MPP7: variants seen among roughly 807,000 people sequenced by gnomAD.
MPP7 encodes MAGUK p55 scaffold protein 7.
A neutral mutation model predicts 76.5 loss-of-function variants in MPP7; 60 were observed. The ratio of observed to expected loss-of-function variants is 0.78; its 90% confidence interval spans 0.64 to 0.97. MPP7 has a LOEUF of 0.97. MPP7 is among the 50% of genes least tolerant of loss of function. The pLI, the probability that MPP7 is intolerant of heterozygous loss-of-function variation, is 0.00. For missense variants in MPP7, 641 were observed against 694.0 expected, an observed-to-expected ratio of 0.92 and a Z score of 0.86; for synonymous variants, 237 against 244.5, an observed-to-expected ratio of 0.97 and a Z score of 0.29.
rs1038210385 is a variant in MPP7 at position 28,232,406 on chromosome 10, G to A, written c.37+6162C>T. 4.0e-5 allele frequency among the ~76,000 whole-genome samples: 6 copies of A among 149,364 alleles called. No individual in the cohort carries two copies. The East Asian group carries it at 5.8e-4, about 15-fold the overall frequency. ...ACACACACACAAATTGATTGGTAAC[G>A]TAAGATGGATTGGATTGCTTTTCTC... On this transcript the variant is annotated intron_variant, in intron 2 of 16. Coordinates refer to ENST00000683449, the MANE Select transcript of MPP7 (RefSeq NM_001318170.2).
intron 2 of MPP7, among the ~76,000 whole-genome samples, chr10:28,310,973 T>C (rs1341096468): frequency 6.6e-6 from 1 of 151,522 alleles, no homozygotes; most frequent in East Asian, 2.0e-4. Flanking sequence ...GGTTTGATCT[T>C]GCTTATAAAT....
At chr10:28,079,349 CAA>C (rs894150049) in intron 12 of MPP7, among the ~76,000 whole-genome samples, 1 of 143,202 alleles carries the variant, frequency 7.0e-6, no homozygotes. Flanking sequence ...ACATATACCA[CAA>C]AAAAAAAAAG....
chr10:28,140,349 T>C (rs919450388), intron 5 of MPP7, among the ~76,000 whole-genome samples: 2 of 151,928 alleles, frequency 1.3e-5, no homozygotes, highest in African/African-American at 2.4e-5. Context: ...CAATCTCTAC[T>C]AAAAACACAA....
chr10:28,168,178 T>C (rs1836551034), intron 3 of MPP7, among the ~76,000 whole-genome samples: 1 of 151,974 alleles, frequency 6.6e-6, no homozygotes, highest in Non-Finnish European at 1.5e-5. Context: ...GAGGCTGCAG[T>C]GAACCTAGAT....
chr10:28,125,222 GA>G, intron 6 of MPP7, 131 bp from the exon 7 acceptor site: 2 of 712,726 alleles, frequency 2.8e-6, no homozygotes, highest in Non-Finnish European at 4.8e-6. Context: ...AATGAGGCAG[GA>G]AAAATAGACA....
chr10:28,067,955 G>T (rs933158893), intron 13 of MPP7, among the ~76,000 whole-genome samples: 7 of 152,080 alleles, frequency 4.6e-5, no homozygotes, highest in African/African-American at 1.7e-4. Context: ...CTCCTTCTCT[G>T]TGAAATAGAG....
At chr10:28,258,352 A>C (rs1276248675) in intron 1 of MPP7, among the ~76,000 whole-genome samples, 1 of 148,300 alleles carries the variant, frequency 6.7e-6, no homozygotes, top group Non-Finnish European at 1.5e-5. Context: ...TATACTTAGG[A>C]CTGATAAGAT....
At chr10:28,270,551 GAGC>G (rs1840294996) in intron 1 of MPP7, among the ~76,000 whole-genome samples, 1 of 120,032 alleles carries the variant, frequency 8.3e-6, no homozygotes, top group Non-Finnish European at 1.7e-5. Context: ...GGGAGGAGGG[GAGC>G]TGGGGAGGGG....
intron 1 of MPP7, among the ~76,000 whole-genome samples, 86 bp downstream of exon 1, chr10:28,302,775 G>C (rs1170540691): frequency 6.6e-6 from 1 of 152,098 alleles, no homozygotes; most frequent in Non-Finnish European, 1.5e-5. Context: ...CCGGTCGCCG[G>C]CGCAGGGAGC....
At chr10:28,246,942 G>C (rs566225216) in intron 1 of MPP7, among the ~76,000 whole-genome samples, 1 of 152,124 alleles carries the variant, frequency 6.6e-6, no homozygotes, top group Non-Finnish European at 1.5e-5. Context: ...CCCTGACATA[G>C]AGCACAGTAC....
intron 3 of MPP7, among the ~76,000 whole-genome samples, chr10:28,184,800 T>C (rs1296480856): frequency 6.8e-6 from 1 of 146,654 alleles, no homozygotes; most frequent in African/African-American, 2.5e-5. Flanking sequence ...TTAATATATA[T>C]TAATATTACA....
At chr10:28,133,875 A>G (rs1266234244) in intron 5 of MPP7, among the ~76,000 whole-genome samples, 3 of 152,116 alleles carry the variant, frequency 2.0e-5, no homozygotes, top group African/African-American at 7.2e-5. Context: ...CCATGCTGTT[A>G]CTTATGGTAG....
chr10:28,099,697 C>T (rs933487333), intron 11 of MPP7, among the ~76,000 whole-genome samples: 2 of 152,058 alleles, frequency 1.3e-5, no homozygotes, highest in Non-Finnish European at 2.9e-5. Flanking sequence ...ATCCCAGCTA[C>T]TCGGGAGGCT....
intron 3 of MPP7, among the ~76,000 whole-genome samples, chr10:28,190,028 G>C (rs531450669): frequency 5.9e-5 from 9 of 152,212 alleles, no homozygotes; most frequent in African/African-American, 2.2e-4. Flanking sequence ...GAGTACATAT[G>C]TCAATTCCCA....
intron 2 of MPP7, among the ~76,000 whole-genome samples, chr10:28,211,498 A>T (rs912939367): frequency 6.6e-6 from 1 of 151,998 alleles, no homozygotes; most frequent in African/African-American, 2.4e-5. Flanking sequence ...AACTAAAGTC[A>T]TGTTTTCTAT....
intron 3 of MPP7, among the ~76,000 whole-genome samples, chr10:28,179,997 C>A: frequency 6.6e-6 from 1 of 151,904 alleles, no homozygotes; most frequent in Non-Finnish European, 1.5e-5. Context: ...GCTATGCTTC[C>A]AAAGTGAGAA....
chr10:28,194,879 GTATCAACCAACATTGGTTCGT>G (rs1462422448), intron 3 of MPP7, among the ~76,000 whole-genome samples: 2 of 152,200 alleles, frequency 1.3e-5, no homozygotes, highest in African/African-American at 4.8e-5. Flanking sequence ...TAATAATAAT[GTATCAACCAACATTGGTTCGT>G]TAATTGACAA....
At chr10:28,256,327 GAA>G (rs200425685) in intron 1 of MPP7, among the ~76,000 whole-genome samples, 5,572 of 99,852 alleles carry the variant, frequency 0.056, 205 homozygotes, top group African/African-American at 0.12. Context: ...TGCTTTCAGG[GAA>G]AAAAAAAAAA....
At chr10:28,054,975 G>C (rs1017181778) in intron 16 of MPP7, among the ~76,000 whole-genome samples, 7 of 152,156 alleles carry the variant, frequency 4.6e-5, no homozygotes, top group Non-Finnish European at 1.0e-4. Context: ...CACCACGCCC[G>C]GCTGATTACC....
Sources: allele counts gnomAD v4.1 joint callset (sites outside exome capture counted in the v4.1 genomes callset), GRCh38; gene constraint gnomAD v4.1.1; transcripts MANE v1.5; gene names NCBI Gene and HGNC (gene_info 2026-07-23, HGNC 2026-07-21).